Variants in CIITA observed in about 807,000 individuals in gnomAD.
CIITA encodes the protein class II major histocompatibility complex transactivator.
In CIITA, 72 loss-of-function variants were observed where a neutral mutation model predicts 115.1. That is an observed-to-expected ratio of 0.63 (90% CI 0.52 to 0.76). CIITA has a LOEUF of 0.76. Ranked by LOEUF, CIITA falls within the 30% of genes least tolerant of loss-of-function variation. The probability of loss-of-function intolerance (pLI) is 0.00; values close to 1 mark genes in which losing one functional copy is unlikely to be tolerated. For synonymous variants in CIITA, 763 were observed against 635.6 expected (o/e 1.20, Z -3.02); for missense variants, 1,617 against 1,463.8 (o/e 1.10, Z -1.71).
Position 10,920,376 on chromosome 16 carries a change from T to C in CIITA, c.3150-1791T>C, listed in dbSNP as rs956651181. Among the ~76,000 whole-genome samples the C allele has an allele frequency of 3.9e-5, 6 of 152,320 alleles. No individual in the cohort carries two copies. In the East Asian group the frequency reaches 5.8e-4, roughly 15 times the overall value. ...GATTCTCATGCCTCAGCCTCCCAAG[T>C]AGCTGGGATTACAGATGCCCGCCAC... On this transcript the variant is annotated intron_variant, in intron 16 of 19. Coordinates refer to ENST00000324288, the MANE Select transcript of CIITA (RefSeq NM_000246.4). This position sits in a 1 kb window ranked among gnomAD's most constrained non-coding sequence, Gnocchi z 4.5.
intron 8 of CIITA, among the ~76,000 whole-genome samples, chr16:10,903,016 T>C (rs1159467158): frequency 6.6e-6 from 1 of 152,210 alleles, no homozygotes; most frequent in Non-Finnish European, 1.5e-5. Context: ...CCAAGAGTGG[T>C]TGTGTGGCCT....
intron 8 of CIITA, among the ~76,000 whole-genome samples, chr16:10,903,426 C>T (rs947916559): frequency 1.3e-5 from 2 of 152,090 alleles, no homozygotes; most frequent in Admixed American, 6.5e-5. Flanking sequence ...AGAAGCAGTT[C>T]CTGATATCTA....
Position 10,929,363 on chromosome 16 carries a change from G to T in CIITA, c.*5508G>T, listed in dbSNP as rs751513360. 3.0e-6 allele frequency: 3 copies of T among 985,924 alleles called. No homozygotes were observed. Among genetic ancestry groups the T allele is most frequent in the South Asian group, 4.7e-5 (1 of 21,288 alleles). The allele number at this position is 985,924 out of a possible 1,614,324, so 61.1% of individuals were successfully genotyped here. On this transcript the variant is annotated 3_prime_UTR_variant, in exon 20 of 20. Transcript: ENST00000324288. The surrounding 1 kb of genome is among the most constrained non-coding windows in gnomAD (Gnocchi z 4.3). ...GTTCCTGTAAACATCCATCGCAGCT[G>T]CAAATAATCAGAAGCCAAGGCCAGG...
chr16:10,938,161 T>C (rs978398023), downstream of CIITA: 2 of 152,136 alleles, frequency 1.3e-5, no homozygotes, highest in African/African-American at 4.8e-5. The surrounding 1 kb of genome is among the most constrained non-coding windows in gnomAD (Gnocchi z 4.9). Flanking sequence ...TCTCACCTAA[T>C]CCTCACAACA....
intron 1 of CIITA, among the ~76,000 whole-genome samples, chr16:10,890,960 G>A (rs974978496): frequency 1.3e-5 from 2 of 152,188 alleles, no homozygotes; most frequent in Admixed American, 6.5e-5. Flanking sequence ...CAGTGTGTTG[G>A]TAGGTAGGGG....
At position 10,926,876 on chromosome 16, in the gene CIITA, A is replaced by G. The variant is rs1250872552; in HGVS notation, c.*3021A>G. The G allele has an allele frequency of 6.6e-6, 1 of 152,254 alleles. No individual in the cohort carries two copies. The highest frequency in any genetic ancestry group is 2.4e-5 in the African/African-American group (1 of 41,462). 9.4% of individuals were successfully genotyped at this position (152,254 alleles called of 1,614,324 possible). A position where few individuals can be genotyped will look rare whatever the true frequency, so the allele number is the denominator to read the frequency against. ...AAAGCCCTTATCACAGTGCAAGGGA[A>G]ATTCAAAGCGCTCAGAAAGTATTAG... On this transcript the variant is annotated 3_prime_UTR_variant, in exon 20 of 20. Transcript: ENST00000324288.
chr16:10,908,785 C>T, intron 11 of CIITA: 1 of 618,590 alleles, frequency 1.6e-6, no homozygotes, highest in Non-Finnish European at 2.9e-6. Flanking sequence ...CATAATTGTG[C>T]CAATAATTTA....
At position 10,889,247 on chromosome 16, in the gene CIITA, C is replaced by T. The variant is rs575924175; in HGVS notation, c.53-6035C>T. Among the ~76,000 whole-genome samples, 55 of 152,236 alleles carry T rather than the reference C, an allele frequency of 3.6e-4. No homozygotes were observed. The South Asian group carries it at 0.011, about 30-fold the overall frequency. On this transcript the variant is annotated intron_variant, in intron 1 of 19. Coordinates refer to ENST00000324288, the MANE Select transcript of CIITA (RefSeq NM_000246.4). ...TTGGAGAAACAGTCCAATGAAGGGGCCTTTGAAGCACTTCCTAAGCATCTA... is the reference window on the plus strand; with the variant it reads ...TTGGAGAAACAGTCCAATGAAGGGGTCTTTGAAGCACTTCCTAAGCATCTA...
intron 15 of CIITA, chr16:10,916,867 G>T (rs549917430): frequency 2.6e-6 from 1 of 377,398 alleles, no homozygotes; most frequent in Admixed American, 4.2e-5. Flanking sequence ...ATTTAAGGAG[G>T]ACCTACTATG....
intron 1 of CIITA, among the ~76,000 whole-genome samples, chr16:10,891,215 TCATTTCATTGGGAA>T (rs2037540024): frequency 6.6e-6 from 1 of 150,678 alleles, no homozygotes; most frequent in Admixed American, 6.6e-5. Flanking sequence ...ACAAGGGTGA[TCATTTCATTGGGAA>T]CATTTTGACT....
intron 5 of CIITA, among the ~76,000 whole-genome samples, chr16:10,899,845 C>T (rs1023305554): frequency 1.3e-5 from 2 of 152,202 alleles, no homozygotes; most frequent in Admixed American, 1.3e-4. Flanking sequence ...TTTGGGAGGC[C>T]AAGGGGGACG....
rs1487375753 is a variant in CIITA at position 10,879,390 on chromosome 16, C to T, written c.52+2008C>T. On this transcript the variant is annotated intron_variant, in intron 1 of 19. Coordinates refer to ENST00000324288, the MANE Select transcript of CIITA (RefSeq NM_000246.4). This position sits in a 1 kb window ranked among gnomAD's most constrained non-coding sequence, Gnocchi z 4.3. ...CCACCCTTGGCCGACTCCGCGCGCC[C>T]GGGATCCTGCAGAGGTGCGCGCCCT... 6.6e-6 allele frequency among the ~76,000 whole-genome samples: 1 copy of T among 152,180 alleles called. No homozygotes were observed. The highest frequency in any genetic ancestry group is 6.5e-5 in the Admixed American group (1 of 15,284).
chr16:10,893,833 A>G (rs2037845114), intron 1 of CIITA, among the ~76,000 whole-genome samples: 1 of 124,676 alleles, frequency 8.0e-6, no homozygotes, highest in African/African-American at 2.8e-5. Flanking sequence ...AAAAAAAAAA[A>G]AGTAGAGTTC....
In CIITA at chr16:10,906,954, T is replaced by G; in HGVS notation, c.1462T>G (p.Leu488Val). 1 of 1,612,890 alleles carries G rather than the reference T, an allele frequency of 6.2e-7. No individual in the cohort carries two copies. The highest frequency in any genetic ancestry group is 8.5e-7 in the Non-Finnish European group (1 of 1,179,926). The change falls in exon 11 of 20, where the codon TTG becomes GTG. Residue 488 changes from leucine (L) to valine (V), a missense_variant. Leu to Val is a conservative substitution (Grantham distance 32). Coordinates refer to ENST00000324288, the MANE Select transcript of CIITA (RefSeq NM_000246.4). ...GGCCGATGAGGTTTTCAGCCACATCTTGAAGAGACCTGACCGCGTTCTGCT... is the reference window on the plus strand; with the variant it reads ...GGCCGATGAGGTTTTCAGCCACATCGTGAAGAGACCTGACCGCGTTCTGCT... Reference protein sequence around the residue: ...VAADEVFSHILKRPDRVLLIL... With the variant: ...VAADEVFSHIVKRPDRVLLIL...
At position 10,918,666 on chromosome 16, in the gene CIITA, G is replaced by A. The variant is rs147094875; in HGVS notation, c.3149+140G>A. 65 of 708,366 alleles carry A rather than the reference G, an allele frequency of 9.2e-5. No individual in the cohort carries two copies. In the East Asian group the frequency reaches 1.6e-3, roughly 18 times the overall value. 43.9% of individuals were successfully genotyped at this position (708,366 alleles called of 1,614,324 possible). On this transcript the variant is annotated intron_variant, in intron 16 of 19. Coordinates refer to ENST00000324288, the MANE Select transcript of CIITA (RefSeq NM_000246.4). ...CCCTGAACAAAAGGATTAGCGGGAC[G>A]TGGTGAAAGAAACTCTGAGCAAGTC...
At chr16:10,922,762 T>C (rs977512849) in intron 18 of CIITA, among the ~76,000 whole-genome samples, 3 of 152,258 alleles carry the variant, frequency 2.0e-5, no homozygotes, top group African/African-American at 7.2e-5. Context: ...ATAAATGCTA[T>C]ATTAGGCTGA....
chr16:10,891,562 G>C (rs1160915315), intron 1 of CIITA, among the ~76,000 whole-genome samples: 1 of 152,152 alleles, frequency 6.6e-6, no homozygotes, highest in Non-Finnish European at 1.5e-5. Context: ...GCTAGGATCA[G>C]TCTGGAGCTC....
chr16:10,887,000 C>T lies in CIITA; in HGVS notation c.53-8282C>T, dbSNP rs143966583. On this transcript the variant is annotated intron_variant, in intron 1 of 19. Coordinates refer to ENST00000324288, the MANE Select transcript of CIITA (RefSeq NM_000246.4). ...GGAACTGAGCTCAGTGACTTTCTTACGGGGTGCTCAGTGAATCATTGTTTT... is the reference window on the plus strand; with the variant it reads ...GGAACTGAGCTCAGTGACTTTCTTATGGGGTGCTCAGTGAATCATTGTTTT... Among the ~76,000 whole-genome samples the T allele has an allele frequency of 3.9e-5, 6 of 152,292 alleles. No individual in the cohort carries two copies. The East Asian group carries it at 5.8e-4, about 15-fold the overall frequency.
At chr16:10,909,384 T>C (rs548410568) in intron 12 of CIITA, among the ~76,000 whole-genome samples, 197 bp downstream of exon 12, 1 of 152,358 alleles carries the variant, frequency 6.6e-6, no homozygotes, top group South Asian at 2.1e-4. Flanking sequence ...TTGAAAACTT[T>C]GCTGCATTCA....
Sources: allele counts gnomAD v4.1 joint callset (sites outside exome capture counted in the v4.1 genomes callset), GRCh38; gene constraint gnomAD v4.1.1; non-coding constraint Gnocchi (gnomAD v3.1); transcripts MANE v1.5; gene names NCBI Gene and HGNC (gene_info 2026-07-23, HGNC 2026-07-21).